LNX1: variants seen among roughly 807,000 people sequenced by gnomAD.
The protein encoded by LNX1 is ligand of numb-protein X 1, also known as E3 ubiquitin-protein ligase LNX.
Under a neutral mutation model 68.4 loss-of-function variants are expected in LNX1, and 54 were observed. The observed-to-expected ratio is 0.79, with a 90% CI of 0.63 to 0.99. The LOEUF (loss-of-function observed/expected upper bound fraction) is 0.99, where lower values mean the gene tolerates loss of function less well. Among genes scored for constraint, LNX1 ranks in the 50% least tolerant of loss-of-function variants. The pLI is 0.00. For synonymous variants in LNX1, 336 were observed against 350.0 expected (o/e 0.96, Z 0.45); for missense variants, 906 against 926.4 (o/e 0.98, Z 0.29).
At chr4:53,619,477 T>C (rs1206800332), upstream of LNX1, among the ~76,000 whole-genome samples, 1 of 152,120 alleles carries the variant, frequency 6.6e-6, no homozygotes, top group Non-Finnish European at 1.5e-5. Context: ...ACTTCTTTCT[T>C]AGCATCATAT....
chr4:53,477,508 T>G (rs1289521213), intron 8 of LNX1, among the ~76,000 whole-genome samples: 1 of 152,166 alleles, frequency 6.6e-6, no homozygotes, highest in Non-Finnish European at 1.5e-5. Context: ...AAGGTGAAAA[T>G]AGCTACTATT....
intron 1 of LNX1, among the ~76,000 whole-genome samples, chr4:53,578,787 T>C (rs1431070895): frequency 6.6e-6 from 1 of 152,218 alleles, no homozygotes; most frequent in Non-Finnish European, 1.5e-5. Context: ...AATATTATGT[T>C]AATGTAAACA....
At chr4:53,600,710 T>TTTTTTA (rs144948760) in intron 2 of LNX1, among the ~76,000 whole-genome samples, 2,139 of 150,772 alleles carry the variant, frequency 0.014, 72 homozygotes, top group African/African-American at 0.049. Flanking sequence ...CGGCCTCTGT[T>TTTTTTA]TTTTTATTTT....
At chr4:53,501,589 C>G (rs1031913553) in intron 4 of LNX1, among the ~76,000 whole-genome samples, 10 of 152,196 alleles carry the variant, frequency 6.6e-5, no homozygotes, top group Non-Finnish European at 1.2e-4. Context: ...AGACCCATCT[C>G]TGTCTTTTCA....
chr4:53,466,565 G>A (rs1425167204), intron 9 of LNX1, among the ~76,000 whole-genome samples: 2 of 152,184 alleles, frequency 1.3e-5, no homozygotes, highest in Non-Finnish European at 1.5e-5. Context: ...AAGCACAAGG[G>A]ATCAGGGAAT....
At chr4:53,549,103 C>T (rs1729315996) in intron 2 of LNX1, among the ~76,000 whole-genome samples, 1 of 152,114 alleles carries the variant, frequency 6.6e-6, no homozygotes, top group South Asian at 2.1e-4. Context: ...ATAATATGTG[C>T]AAACCCCCAT....
intron 1 of LNX1, among the ~76,000 whole-genome samples, chr4:53,649,855 G>T (rs544603456): frequency 1.3e-5 from 2 of 152,274 alleles, no homozygotes; most frequent in South Asian, 4.1e-4. Context: ...TGAGGGTGGT[G>T]ACTAAGGTTT....
intron 9 of LNX1, among the ~76,000 whole-genome samples, chr4:53,468,064 G>A: frequency 6.6e-6 from 1 of 152,120 alleles, no homozygotes; most frequent in Non-Finnish European, 1.5e-5. Flanking sequence ...TTGAAATGAA[G>A]GAAAAAATGT....
At chr4:53,466,170 C>T (rs1008966510) in intron 9 of LNX1, among the ~76,000 whole-genome samples, 12 of 151,720 alleles carry the variant, frequency 7.9e-5, no homozygotes, top group African/African-American at 2.7e-4. Context: ...AAAAAAATCA[C>T]ATATTATTTG....
chr4:53,478,288 T>C (rs1723693095), intron 8 of LNX1, among the ~76,000 whole-genome samples: 1 of 152,184 alleles, frequency 6.6e-6, no homozygotes, highest in South Asian at 2.1e-4. Flanking sequence ...TGCCATTTAA[T>C]AGAGGTAACT....
chr4:53,469,813 C>T (rs936803513), intron 9 of LNX1, among the ~76,000 whole-genome samples: 6 of 152,060 alleles, frequency 3.9e-5, no homozygotes, highest in Non-Finnish European at 7.4e-5. Flanking sequence ...TCTCTGAATA[C>T]ACCAATAACA....
chr4:53,490,611 T>C (rs915760631), intron 6 of LNX1, among the ~76,000 whole-genome samples: 1 of 152,172 alleles, frequency 6.6e-6, no homozygotes, highest in African/African-American at 2.4e-5. Flanking sequence ...CCTGAAGTAA[T>C]GCAGAAAAAA....
chr4:53,461,580 A>T lies in LNX1; in HGVS notation c.1906T>A (p.Cys636Ser). ...WLELPRCLYNCKDIVLRRNTA... is the reference protein window; with the variant it reads ...WLELPRCLYNSKDIVLRRNTA... Reference sequence around the variant, plus strand: ...TTTCTTCGTAATACAATATCTTTACAGTTATACAAGCACCTGAAATAGAAT... The same window carrying T: ...TTTCTTCGTAATACAATATCTTTACTGTTATACAAGCACCTGAAATAGAAT... Residue 636 changes from cysteine to serine, a missense_variant, in exon 10 of 11, where the codon TGT becomes AGT. Transcript: ENST00000263925. The T allele has an allele frequency of 6.2e-7, 1 of 1,610,404 alleles. No individual in the cohort carries two copies. Among genetic ancestry groups the T allele is most frequent in the South Asian group, 1.1e-5 (1 of 90,776 alleles).
At chr4:53,639,634 G>T (rs1233882755) in intron 1 of LNX1, among the ~76,000 whole-genome samples, 1 of 152,134 alleles carries the variant, frequency 6.6e-6, no homozygotes, top group Non-Finnish European at 1.5e-5. Context: ...ACTGTTTTGG[G>T]GTCCTAAAGT....
intron 2 of LNX1, among the ~76,000 whole-genome samples, chr4:53,613,746 G>A (rs1284176468): frequency 6.6e-6 from 1 of 152,096 alleles, no homozygotes; most frequent in Non-Finnish European, 1.5e-5. Context: ...CTTTGCTATT[G>A]TGAATAGCAC....
intron 2 of LNX1, among the ~76,000 whole-genome samples, chr4:53,546,103 G>C (rs1393591520): frequency 3.3e-5 from 5 of 151,736 alleles, no homozygotes. Flanking sequence ...CACTGCACTG[G>C]GCCAGAGGCC....
chr4:53,643,125 G>A (rs1734748957), intron 1 of LNX1, among the ~76,000 whole-genome samples: 1 of 152,038 alleles, frequency 6.6e-6, no homozygotes, highest in African/African-American at 2.4e-5. Flanking sequence ...CCAAATGCTA[G>A]TATTGTTGAG....
intron 1 of LNX1, chr4:53,579,387 C>A (rs924799390): frequency 2.5e-5 from 11 of 438,836 alleles, no homozygotes; most frequent in Middle Eastern, 1.2e-3. Context: ...TATATGGAGC[C>A]AAAACCCCCA....
chr4:53,591,808 C>G (rs1732520856), upstream of LNX1: 1 of 153,622 alleles, frequency 6.5e-6, no homozygotes, highest in African/African-American at 2.4e-5. Context: ...CAGGCCCTCC[C>G]CTTTCCCCAT....
Sources: allele counts gnomAD v4.1 joint callset (sites outside exome capture counted in the v4.1 genomes callset), GRCh38; gene constraint gnomAD v4.1.1; transcripts MANE v1.5; gene names NCBI Gene and HGNC (gene_info 2026-07-23, HGNC 2026-07-21).